The following CDKAL1 variants were observed in gnomAD, a reference collection of about 807,000 sequenced individuals.
CDKAL1 encodes the protein threonylcarbamoyladenosine tRNA methylthiotransferase.
CDKAL1 carries 32 observed loss-of-function variants against 68.2 expected under a neutral mutation model. The observed-to-expected ratio is 0.47, with a 90% CI of 0.35 to 0.63. The LOEUF (loss-of-function observed/expected upper bound fraction) is 0.63, where lower values mean the gene tolerates loss of function less well. CDKAL1 is among the 30% of genes least tolerant of loss of function. The probability of loss-of-function intolerance (pLI) is 0.00; values close to 1 mark genes in which losing one functional copy is unlikely to be tolerated. For missense variants in CDKAL1, 606 were observed against 696.7 expected (o/e 0.87, Z 1.47); for synonymous variants, 234 against 244.3 (o/e 0.96, Z 0.39).
intron 11 of CDKAL1, among the ~76,000 whole-genome samples, chr6:21,002,394 C>T (rs1487998467): frequency 2.0e-5 from 3 of 152,048 alleles, no homozygotes; most frequent in Non-Finnish European, 4.4e-5. Context: ...ACACTCCATC[C>T]CATACCCCCC....
chr6:20,761,272 ACAC>A (rs1561754704), intron 7 of CDKAL1, among the ~76,000 whole-genome samples: 1 of 152,240 alleles, frequency 6.6e-6, no homozygotes, highest in African/African-American at 2.4e-5. Context: ...AACATTGACA[ACAC>A]CAAATTCTGG....
At chr6:21,019,747 A>G (rs1371154048) in intron 11 of CDKAL1, among the ~76,000 whole-genome samples, 2 of 152,204 alleles carry the variant, frequency 1.3e-5, no homozygotes, top group Non-Finnish European at 2.9e-5. Context: ...TCATACAGCA[A>G]TAGACAAAAT....
intron 13 of CDKAL1, among the ~76,000 whole-genome samples, chr6:21,161,849 A>C (rs114234089): frequency 6.6e-6 from 1 of 152,176 alleles, no homozygotes; most frequent in Non-Finnish European, 1.5e-5. Context: ...AGGGCTCATA[A>C]TTGTTGTCAT....
intron 12 of CDKAL1, among the ~76,000 whole-genome samples, chr6:21,072,092 A>G (rs150867889): frequency 1.3e-5 from 2 of 152,158 alleles, no homozygotes; most frequent in Non-Finnish European, 2.9e-5. Context: ...ACCCAGCTGA[A>G]ATTCTATGGT....
intron 12 of CDKAL1, among the ~76,000 whole-genome samples, chr6:21,099,290 A>G (rs904226909): frequency 4.6e-5 from 7 of 152,224 alleles, no homozygotes; most frequent in African/African-American, 1.4e-4. Context: ...CAGCCATTCA[A>G]CTTTGCCATC....
At chr6:21,197,023 T>C (rs1778498217) in intron 13 of CDKAL1, among the ~76,000 whole-genome samples, 1 of 152,078 alleles carries the variant, frequency 6.6e-6, no homozygotes, top group South Asian at 2.1e-4. Context: ...CCGGGCATAG[T>C]GGCGCATGCC....
intron 4 of CDKAL1, among the ~76,000 whole-genome samples, chr6:20,605,039 A>G (rs1415279686): frequency 6.6e-6 from 1 of 151,222 alleles, no homozygotes; most frequent in African/African-American, 2.4e-5. Context: ...TCCTTACACT[A>G]CTGAGCAAAT....
intron 5 of CDKAL1, among the ~76,000 whole-genome samples, chr6:20,735,872 C>T (rs1320531580): frequency 2.6e-5 from 4 of 152,080 alleles, no homozygotes; most frequent in Non-Finnish European, 5.9e-5. Flanking sequence ...ATTTTTGATC[C>T]TATAGAAATG....
intron 4 of CDKAL1, among the ~76,000 whole-genome samples, chr6:20,631,304 C>G (rs1767664153): frequency 6.6e-6 from 1 of 152,146 alleles, no homozygotes; most frequent in Admixed American, 6.5e-5. Context: ...TTCTTTCATG[C>G]ATCTACAATA....
chr6:20,608,864 A>G (rs928762962), intron 4 of CDKAL1, among the ~76,000 whole-genome samples: 13 of 152,278 alleles, frequency 8.5e-5, no homozygotes, highest in South Asian at 6.2e-4. Context: ...CTCTCAAACT[A>G]TTGGTGTTTG....
At chr6:20,608,937 C>G (rs1476689653) in intron 4 of CDKAL1, among the ~76,000 whole-genome samples, 1 of 152,086 alleles carries the variant, frequency 6.6e-6, no homozygotes, top group African/African-American at 2.4e-5. Context: ...TGAGGCAAAA[C>G]CTTTACAGGA....
At chr6:21,047,581 T>C (rs1770314653) in intron 11 of CDKAL1, among the ~76,000 whole-genome samples, 1 of 152,210 alleles carries the variant, frequency 6.6e-6, no homozygotes, top group Non-Finnish European at 1.5e-5. Flanking sequence ...TGGGCACTTT[T>C]ACTGAGCCTC....
At chr6:20,944,021 C>G (rs1461597264) in intron 9 of CDKAL1, among the ~76,000 whole-genome samples, 5 of 152,220 alleles carry the variant, frequency 3.3e-5, no homozygotes, top group Non-Finnish European at 7.3e-5. Flanking sequence ...AGCTCCGTCT[C>G]CATAGACAGC....
At chr6:20,985,362 C>T (rs1245014230) in intron 10 of CDKAL1, among the ~76,000 whole-genome samples, 6 of 152,256 alleles carry the variant, frequency 3.9e-5, no homozygotes, top group East Asian at 1.9e-4. Context: ...GCTGCGATCT[C>T]GGCTCACTGC....
chr6:20,665,715 T>C (rs7772603), intron 5 of CDKAL1, among the ~76,000 whole-genome samples: 59,846 of 151,566 alleles, frequency 0.39, 12,925 homozygotes, highest in African/African-American at 0.58. Context: ...TTTTTTTTTT[T>C]CTAAGCAATG....
At chr6:20,742,936 T>C in intron 6 of CDKAL1, among the ~76,000 whole-genome samples, 1 of 152,192 alleles carries the variant, frequency 6.6e-6, no homozygotes, top group South Asian at 2.1e-4. Flanking sequence ...TGAAAACAAA[T>C]TACAAATTAG....
intron 9 of CDKAL1, among the ~76,000 whole-genome samples, chr6:20,896,736 CTG>C (rs1343917348): frequency 6.6e-6 from 1 of 152,056 alleles, no homozygotes; most frequent in African/African-American, 2.4e-5. Flanking sequence ...CTGTTGGAAA[CTG>C]AGACTACCAG....
At chr6:20,712,418 G>T (rs1771888262) in intron 5 of CDKAL1, among the ~76,000 whole-genome samples, 1 of 151,402 alleles carries the variant, frequency 6.6e-6, no homozygotes, top group Admixed American at 6.6e-5. Flanking sequence ...ACAAAACTTA[G>T]CCATGATGGT....
intron 11 of CDKAL1, among the ~76,000 whole-genome samples, chr6:21,054,510 G>C (rs555349250): frequency 6.6e-6 from 1 of 152,088 alleles, no homozygotes; most frequent in African/African-American, 2.4e-5. Context: ...ATTTTGATAG[G>C]AGTTGCATTG....
Sources: gnomAD v4.1 joint callset for allele counts (sites outside exome capture counted in the v4.1 genomes callset) on GRCh38, gnomAD v4.1.1 for gene constraint, MANE v1.5 for transcripts, NCBI Gene and HGNC (gene_info 2026-07-23, HGNC 2026-07-21) for gene names.